The following ADTRP variants were observed in gnomAD, a reference collection of about 807,000 sequenced individuals.
ADTRP encodes the protein androgen-dependent TFPI-regulating protein.
In ADTRP, 20 loss-of-function variants were observed where a neutral mutation model predicts 27.0. The ratio of observed to expected loss-of-function variants is 0.74; its 90% confidence interval spans 0.52 to 1.08. The LOEUF is 1.08. ADTRP is among the 50% of genes least tolerant of loss of function. The pLI is 0.00. For synonymous variants in ADTRP, 101 were observed against 105.2 expected (o/e 0.96, Z 0.25); for missense variants, 251 against 275.0 (o/e 0.91, Z 0.62).
In ADTRP at chr6:11,714,405, A is replaced by G; in HGVS notation, c.*73T>C. ...TGTTCCTCCACCACCTCCCTCCACC[A>G]GAAAAAAAAAAAAAAGATGAGAAAA... On this transcript the variant is annotated 3_prime_UTR_variant, in exon 6 of 6. Coordinates refer to ENST00000414691, the MANE Select transcript of ADTRP (RefSeq NM_032744.4). The G allele has an allele frequency of 2.6e-6, 3 of 1,167,696 alleles. No individual in the cohort carries two copies. Among genetic ancestry groups the G allele is most frequent in the Non-Finnish European group, 3.6e-6 (3 of 844,178 alleles). 72.3% of individuals were successfully genotyped at this position (1,167,696 alleles called of 1,614,324 possible). A position where few individuals can be genotyped will look rare whatever the true frequency, so the allele number is the denominator to read the frequency against.
chr6:11,727,704 C>T (rs1166017758), intron 4 of ADTRP, among the ~76,000 whole-genome samples: 1 of 152,014 alleles, frequency 6.6e-6, no homozygotes, highest in Non-Finnish European at 1.5e-5. Flanking sequence ...TGTGTACTTT[C>T]ACAGATAAAG....
chr6:11,720,662 G>A (rs1418566663), intron 5 of ADTRP, among the ~76,000 whole-genome samples: 1 of 152,032 alleles, frequency 6.6e-6, no homozygotes, highest in Non-Finnish European at 1.5e-5. Flanking sequence ...TAGTAGAGAC[G>A]GGGTTTCACT....
intron 3 of ADTRP, among the ~76,000 whole-genome samples, chr6:11,753,207 C>T (rs1418206299): frequency 2.6e-5 from 4 of 152,220 alleles, no homozygotes; most frequent in East Asian, 1.9e-4. Flanking sequence ...TCACACCAAT[C>T]TGACTTTTAG....
intron 5 of ADTRP, among the ~76,000 whole-genome samples, chr6:11,721,302 T>C (rs1043432657): frequency 6.6e-6 from 1 of 152,136 alleles, no homozygotes; most frequent in African/African-American, 2.4e-5. Flanking sequence ...GGCACACATA[T>C]AGAAGAGCAA....
intron 3 of ADTRP, among the ~76,000 whole-genome samples, chr6:11,761,524 C>A (rs1763389452): frequency 6.6e-6 from 1 of 152,054 alleles, no homozygotes; most frequent in African/African-American, 2.4e-5. Context: ...TATATAATAT[C>A]TCTTTTAAAT....
At chr6:11,714,647 G>A (rs1761754994) in intron 5 of ADTRP, 135 bp from the exon 6 acceptor site, 3 of 971,972 alleles carry the variant, frequency 3.1e-6, no homozygotes, top group Non-Finnish European at 4.6e-6. Context: ...ACAAGATGCA[G>A]TTTAAGGAGT....
At chr6:11,727,550 T>C (rs931683818) in intron 4 of ADTRP, among the ~76,000 whole-genome samples, 7 of 152,226 alleles carry the variant, frequency 4.6e-5, no homozygotes, top group African/African-American at 7.2e-5. Context: ...AAATTAGGGC[T>C]TCTGAATTCC....
Position 11,768,314 on chromosome 6 carries a change from C to G in ADTRP, c.223G>C (p.Asp75His). 1 of 1,614,226 alleles carries G rather than the reference C, an allele frequency of 6.2e-7. No individual in the cohort carries two copies. The highest frequency in any genetic ancestry group is 1.1e-5 in the South Asian group (1 of 91,082). The change falls in exon 2 of 6, where the codon GAC (aspartate) becomes CAC (histidine). Residue 75 changes from aspartate to histidine, a missense_variant. By Grantham distance (81) the Asp-to-His change is moderately conservative. Transcript: ENST00000414691. ...DVLKRTKGGK[D>H]IKFLTAFRDL... Reference sequence around the variant, plus strand: ...CTGAAGGCAGTTAGGAACTTAATGTCTTTTCCCCCTTTGGTTCTTTTCAGC... The same window carrying G: ...CTGAAGGCAGTTAGGAACTTAATGTGTTTTCCCCCTTTGGTTCTTTTCAGC...
intron 3 of ADTRP, among the ~76,000 whole-genome samples, chr6:11,754,423 CTTGGATT>C (rs1453995728): frequency 5.3e-5 from 8 of 152,210 alleles, no homozygotes; most frequent in South Asian, 2.1e-4. Flanking sequence ...GGACTTGGAT[CTTGGATT>C]GGGAGAGGAA....
chr6:11,745,490 C>G (rs1044347801), intron 3 of ADTRP, among the ~76,000 whole-genome samples: 1 of 152,140 alleles, frequency 6.6e-6, no homozygotes, highest in African/African-American at 2.4e-5. Flanking sequence ...GTAGAGGAGG[C>G]TCTGAAAGTG....
At chr6:11,729,227 G>T (rs4713834) in intron 4 of ADTRP, among the ~76,000 whole-genome samples, 1 of 152,028 alleles carries the variant, frequency 6.6e-6, no homozygotes, top group East Asian at 1.9e-4. Context: ...TTCCAGCCCA[G>T]GAGAATAAAT....
chr6:11,770,154 T>C (rs1763722495), intron 1 of ADTRP: 1 of 1,422,768 alleles, frequency 7.0e-7, no homozygotes, highest in East Asian at 2.5e-5. Context: ...TTGTGGGAGG[T>C]CAGAAGAGAG....
intron 5 of ADTRP, among the ~76,000 whole-genome samples, chr6:11,721,518 C>T (rs999857151): frequency 7.9e-5 from 12 of 152,118 alleles, no homozygotes; most frequent in African/African-American, 1.2e-4. Context: ...TTCTTTAATT[C>T]GTATTAAATT....
Position 11,757,734 on chromosome 6 carries a change from C to G in ADTRP, c.390+8540G>C, listed in dbSNP as rs116097407. Among the ~76,000 whole-genome samples, 1,085 of 152,272 alleles carry G rather than the reference C, an allele frequency of 7.1e-3. 17 individuals are homozygous for G. The highest frequency in any genetic ancestry group is 0.024 in the African/African-American group (1,016 of 41,550). On this transcript the variant is annotated intron_variant, in intron 3 of 5. Transcript: ENST00000414691. The stretch of plus-strand genomic sequence containing the variant: ...ATGTCATGTGATGACAGGGCAGAGA[C>G]AGCAGTGATGTGTCTACAAGCCAAG...
At chr6:11,741,606 T>G (rs1762716060) in intron 3 of ADTRP, among the ~76,000 whole-genome samples, 1 of 152,204 alleles carries the variant, frequency 6.6e-6, no homozygotes, top group Non-Finnish European at 1.5e-5. Flanking sequence ...TAATATGTCT[T>G]TTGACCAATA....
chr6:11,770,081 T>C (rs984240005), intron 1 of ADTRP: 1 of 1,550,384 alleles, frequency 6.5e-7, no homozygotes, highest in African/African-American at 1.4e-5. Flanking sequence ...GTCCTGTTCT[T>C]GAGCTAGACT....
chr6:11,774,212 G>T (rs899194037), intron 1 of ADTRP, among the ~76,000 whole-genome samples: 3 of 152,046 alleles, frequency 2.0e-5, no homozygotes, highest in African/African-American at 7.2e-5. Context: ...AGGAGGCTGA[G>T]GCAGGAGAAT....
At chr6:11,770,074 C>G (rs1173320587) in intron 1 of ADTRP, 1 of 1,551,322 alleles carries the variant, frequency 6.4e-7, no homozygotes, top group Admixed American at 2.0e-5. Flanking sequence ...CCCAGCAGTC[C>G]TGTTCTTGAG....
chr6:11,721,222 G>A (rs17401908), intron 5 of ADTRP, among the ~76,000 whole-genome samples: 11,424 of 152,250 alleles, frequency 0.075, 512 homozygotes, highest in Non-Finnish European at 0.1. Context: ...GACTGGAGGA[G>A]ACACAGAATC....
Sources: gnomAD v4.1 joint callset for allele counts (sites outside exome capture counted in the v4.1 genomes callset) on GRCh38, gnomAD v4.1.1 for gene constraint, MANE v1.5 for transcripts, NCBI Gene and HGNC (gene_info 2026-07-23, HGNC 2026-07-21) for gene names.